TRHDE: variants seen among roughly 807,000 people sequenced by gnomAD.
The protein encoded by TRHDE is thyrotropin releasing hormone degrading enzyme, also known as thyrotropin-releasing hormone-degrading ectoenzyme.
In TRHDE, 72 loss-of-function variants were observed where a neutral mutation model predicts 125.7. The ratio of observed to expected loss-of-function variants is 0.57; its 90% confidence interval spans 0.47 to 0.70. The LOEUF (loss-of-function observed/expected upper bound fraction) is 0.70. Among genes scored for constraint, TRHDE ranks in the 30% least tolerant of loss-of-function variants. TRHDE has a pLI of 0.00. For missense variants in TRHDE, 1,110 were observed against 1,327.1 expected (o/e 0.84, Z 2.54); for synonymous variants, 509 against 509.1 (o/e 1.00, Z 0.00).
chr12:72,198,172 T>C (rs939417692), intron 2 of TRHDE, among the ~76,000 whole-genome samples: 2 of 152,142 alleles, frequency 1.3e-5, no homozygotes, highest in South Asian at 4.1e-4. Flanking sequence ...AATAATATTG[T>C]ATTGTATGAA....
At chr12:72,158,319 T>C (rs1876563466) in intron 2 of TRHDE, among the ~76,000 whole-genome samples, 1 of 151,696 alleles carries the variant, frequency 6.6e-6, no homozygotes, top group Non-Finnish European at 1.5e-5. Context: ...GAATCTAAAA[T>C]AAAAGTGAAA....
chr12:72,148,061 A>G (rs1047481507), intron 2 of TRHDE, among the ~76,000 whole-genome samples: 7 of 152,230 alleles, frequency 4.6e-5, no homozygotes, highest in African/African-American at 1.7e-4. Flanking sequence ...TTAAACTTTA[A>G]AGAATCCCAG....
chr12:72,626,356 G>A (rs1406303296), intron 15 of TRHDE, among the ~76,000 whole-genome samples: 2 of 151,890 alleles, frequency 1.3e-5, no homozygotes, highest in Admixed American at 6.6e-5. Flanking sequence ...AAACACTAGT[G>A]TTCTTCAGAG....
intron 2 of TRHDE, among the ~76,000 whole-genome samples, chr12:72,153,711 T>A (rs1393983325): frequency 1.3e-5 from 2 of 152,094 alleles, no homozygotes; most frequent in East Asian, 3.8e-4. Flanking sequence ...CGGTTTTGAG[T>A]GAGTTTCTTA....
rs186485800 is a variant in TRHDE, at chr12:72,328,341, G to T, written c.1188+41387G>T. Among the ~76,000 whole-genome samples the T allele has an allele frequency of 6.6e-5, 10 of 152,182 alleles. 1 individual carries two copies. The East Asian group carries it at 1.7e-3, about 26-fold the overall frequency. ...ATTTGGAATTTCTTTTTCTTGGTAGGTCACCTTACTACAATTTAATGGTTT... is the reference window on the plus strand; with the variant it reads ...ATTTGGAATTTCTTTTTCTTGGTAGTTCACCTTACTACAATTTAATGGTTT... On this transcript the variant is annotated intron_variant, in intron 2 of 18. Coordinates refer to ENST00000261180, the MANE Select transcript of TRHDE (RefSeq NM_013381.3).
chr12:72,456,004 T>C (rs1875824750), intron 3 of TRHDE, among the ~76,000 whole-genome samples: 2 of 151,708 alleles, frequency 1.3e-5, no homozygotes, highest in African/African-American at 2.4e-5. Context: ...TATATGTGTA[T>C]ACTCACACAC....
chr12:72,548,201 A>C (rs1204110752), intron 7 of TRHDE, among the ~76,000 whole-genome samples: 3 of 151,792 alleles, frequency 2.0e-5, no homozygotes, highest in Non-Finnish European at 4.4e-5. Context: ...TACCTGGAGT[A>C]TAAATATACT....
At chr12:72,375,121 T>C (rs1592399564) in intron 2 of TRHDE, among the ~76,000 whole-genome samples, 1 of 152,182 alleles carries the variant, frequency 6.6e-6, no homozygotes, top group Non-Finnish European at 1.5e-5. Flanking sequence ...AGGAGCTTAG[T>C]CAGTTCATCC....
intron 3 of TRHDE, among the ~76,000 whole-genome samples, chr12:72,455,600 A>T (rs1381944849): frequency 1.3e-5 from 2 of 152,088 alleles, no homozygotes; most frequent in Non-Finnish European, 2.9e-5. Flanking sequence ...AGTGTTGGGG[A>T]TGGAAATTAC....
chr12:72,323,573 C>T (rs1046535313), intron 2 of TRHDE, among the ~76,000 whole-genome samples: 1 of 152,116 alleles, frequency 6.6e-6, no homozygotes, highest in Non-Finnish European at 1.5e-5. Flanking sequence ...CCCCTCATCT[C>T]AGTTCCACAA....
At position 72,468,646 on chromosome 12, in the gene TRHDE, ATTTTCAACCTG is replaced by A. The variant is rs1055837698; in HGVS notation, c.1316-1105_1316-1095del. Among the ~76,000 whole-genome samples, 16 of 152,260 alleles carry A rather than the reference ATTTTCAACCTG, an allele frequency of 1.1e-4. 1 individual carries two copies. The highest frequency in any genetic ancestry group is 6.8e-3 in the Middle Eastern group (2 of 294). On this transcript the variant is annotated intron_variant, in intron 3 of 18. Coordinates refer to ENST00000261180, the MANE Select transcript of TRHDE (RefSeq NM_013381.3). ...TCCCAGGAAGCAAGGAGCGCTAGCT[ATTTTCAACCTG>A]TTTTCATGAGCATGTGTGCCCTACC... is the stretch of plus-strand genomic sequence containing the variant.
At chr12:72,161,721 T>TA (rs1464996959) in intron 2 of TRHDE, among the ~76,000 whole-genome samples, 3 of 152,172 alleles carry the variant, frequency 2.0e-5, no homozygotes, top group African/African-American at 7.2e-5. Context: ...AGGGAGAGGA[T>TA]TGGTTTATTT....
intron 5 of TRHDE, among the ~76,000 whole-genome samples, chr12:72,474,176 G>A (rs1876782253): frequency 6.6e-6 from 1 of 152,024 alleles, no homozygotes; most frequent in African/African-American, 2.4e-5. Flanking sequence ...TTGGAGATAA[G>A]TGTACATTCA....
At chr12:72,199,081 C>G (rs1877502451) in intron 2 of TRHDE, among the ~76,000 whole-genome samples, 1 of 152,254 alleles carries the variant, frequency 6.6e-6, no homozygotes, top group Non-Finnish European at 1.5e-5. Context: ...TCATCTCCCA[C>G]CAGGTCCCTC....
At chr12:72,351,951 T>C (rs542605275) in intron 2 of TRHDE, among the ~76,000 whole-genome samples, 30 of 152,050 alleles carry the variant, frequency 2.0e-4, no homozygotes, top group South Asian at 1.2e-3. Context: ...GCTTAACTCA[T>C]TCTTCTTCTG....
chr12:72,475,857 T>G (rs1876867099), intron 5 of TRHDE, among the ~76,000 whole-genome samples: 1 of 152,190 alleles, frequency 6.6e-6, no homozygotes, highest in Non-Finnish European at 1.5e-5. Flanking sequence ...TCCATCACAT[T>G]TAATTACACA....
In TRHDE at chr12:72,265,284, C is replaced by A. The variant is rs534893265; in HGVS notation, n.280-112711C>A. On this transcript the variant is annotated intron_variant and non_coding_transcript_variant, in intron 2 of 4. Transcript: ENST00000548156. ...AATTGTTTGAACTTCAAGAATAATT[C>A]TTGGATCCCCAAATATATTTTTCAC... Among the ~76,000 whole-genome samples the A allele has an allele frequency of 7.9e-5, 12 of 152,012 alleles. No individual in the cohort carries two copies. The East Asian group carries it at 1.2e-3, about 15-fold the overall frequency.
chr12:72,621,022 A>T, intron 13 of TRHDE, 86 bp from the exon 14 acceptor site: 1 of 631,470 alleles, frequency 1.6e-6, no homozygotes, highest in Non-Finnish European at 2.8e-6. Flanking sequence ...TTTTAAGAAT[A>T]TTTTAATTTT....
At chr12:72,492,194 G>A (rs1253529423) in intron 5 of TRHDE, among the ~76,000 whole-genome samples, 1 of 151,746 alleles carries the variant, frequency 6.6e-6, no homozygotes, top group South Asian at 2.1e-4. Flanking sequence ...AAAGTGCATT[G>A]GTATATGGAA....
Sources: allele counts gnomAD v4.1 joint callset (sites outside exome capture counted in the v4.1 genomes callset), GRCh38; gene constraint gnomAD v4.1.1; transcripts MANE v1.5; gene names NCBI Gene and HGNC (gene_info 2026-07-23, HGNC 2026-07-21).